The following PEAK1 variants were observed in gnomAD, a reference collection of about 807,000 sequenced individuals.
PEAK1 encodes the protein pseudopodium enriched atypical kinase 1.
In PEAK1, 54 loss-of-function variants were observed where a neutral mutation model predicts 124.7. That is an observed-to-expected ratio of 0.43 (90% CI 0.35 to 0.54). The LOEUF is 0.54. Ranked by LOEUF, PEAK1 falls within the 20% of genes least tolerant of loss-of-function variation. The probability of loss-of-function intolerance (pLI) is 0.01; values close to 1 mark genes in which losing one functional copy is unlikely to be tolerated. For missense variants in PEAK1, 2,046 were observed against 2,134.5 expected, an observed-to-expected ratio of 0.96 and a Z score of 0.82; for synonymous variants, 719 against 760.0, an observed-to-expected ratio of 0.95 and a Z score of 0.89.
At chr15:77,241,197 A>G (rs1267607977) in intron 6 of PEAK1, among the ~76,000 whole-genome samples, 1 of 152,192 alleles carries the variant, frequency 6.6e-6, no homozygotes, top group Admixed American at 6.5e-5. Context: ...AAAAATCCAT[A>G]AATGTAAACT....
intron 1 of PEAK1, among the ~76,000 whole-genome samples, chr15:77,393,271 A>T (rs779441516): frequency 7.2e-5 from 11 of 152,172 alleles, no homozygotes; most frequent in African/African-American, 2.2e-4. Context: ...GGGAGTACAC[A>T]ACCTAGTGAG....
chr15:77,322,742 T>G (rs972634273), intron 2 of PEAK1, among the ~76,000 whole-genome samples: 1 of 151,996 alleles, frequency 6.6e-6, no homozygotes, highest in African/African-American at 2.4e-5. Flanking sequence ...CTATTCCAAT[T>G]AATAGAAAAA....
chr15:77,169,615 C>T (rs993549294), intron 7 of PEAK1, among the ~76,000 whole-genome samples: 4 of 152,020 alleles, frequency 2.6e-5, no homozygotes, highest in African/African-American at 4.8e-5. Context: ...TGTTCTAAAG[C>T]GATTAGGTTA....
At position 77,277,022 on chromosome 15, in the gene PEAK1, G is replaced by C. The variant is rs2062366111; in HGVS notation, c.-275+6861C>G. 2.0e-5 allele frequency among the ~76,000 whole-genome samples: 3 copies of C among 152,132 alleles called. No homozygotes were observed. In the South Asian group the frequency reaches 6.2e-4, roughly 32 times the overall value. ...TAGTATCTAGAGTGAGGACAAAAAGGCCATATAAAGAGATATACTTTAAAA... is the reference window on the plus strand; with the variant it reads ...TAGTATCTAGAGTGAGGACAAAAAGCCCATATAAAGAGATATACTTTAAAA... On this transcript the variant is annotated intron_variant, in intron 5 of 9. Coordinates refer to ENST00000682557, the MANE Select transcript of PEAK1 (RefSeq NM_001385026.1).
chr15:77,384,685 A>C (rs1281886383), intron 1 of PEAK1, among the ~76,000 whole-genome samples: 3 of 152,180 alleles, frequency 2.0e-5, no homozygotes, highest in Non-Finnish European at 2.9e-5. Context: ...TAGTATTCAA[A>C]TTTGCCAGAA....
chr15:77,221,085 G>A (rs1444283015), intron 6 of PEAK1, among the ~76,000 whole-genome samples: 1 of 151,970 alleles, frequency 6.6e-6, no homozygotes, highest in African/African-American at 2.4e-5. Flanking sequence ...GAAAAAATAA[G>A]TTCGAGTTAC....
At chr15:77,387,514 G>A (rs940486399) in intron 1 of PEAK1, among the ~76,000 whole-genome samples, 1 of 152,178 alleles carries the variant, frequency 6.6e-6, no homozygotes. Flanking sequence ...CTCCTTTTAT[G>A]ACAACCCTAA....
At chr15:77,233,036 C>T (rs761722142) in intron 6 of PEAK1, among the ~76,000 whole-genome samples, 2 of 152,166 alleles carry the variant, frequency 1.3e-5, no homozygotes, top group East Asian at 1.9e-4. Flanking sequence ...CGTGAGCCAC[C>T]GCACCCGGTC....
In PEAK1 at chr15:77,388,960, A is replaced by ATTT. The variant is rs751451938; in HGVS notation, c.-665-23738_-665-23736dup. 1.2e-4 allele frequency among the ~76,000 whole-genome samples: 15 copies of ATTT among 121,686 alleles called. 1 individual carries two copies. Among genetic ancestry groups the ATTT allele is most frequent in the African/African-American group, 4.3e-4 (14 of 32,532 alleles). The allele number at this position is 121,686 out of a possible 152,430, so 79.8% of individuals were successfully genotyped here. On this transcript the variant is annotated intron_variant, in intron 1 of 9. Coordinates refer to ENST00000682557, the MANE Select transcript of PEAK1 (RefSeq NM_001385026.1). ...TCTGCCTGTCTACCTTCTTTTGCTT[A>ATTT]TTTTTTTTTTTTTTTTTTTGGAGAT... is the stretch of plus-strand genomic sequence containing the variant.
intron 6 of PEAK1, among the ~76,000 whole-genome samples, chr15:77,236,106 T>C (rs1193746480): frequency 6.6e-6 from 1 of 152,204 alleles, no homozygotes; most frequent in Non-Finnish European, 1.5e-5. Context: ...AACGTGGGGT[T>C]GGAGTCTCCA....
chr15:77,400,969 ACT>A (rs2071331090), intron 1 of PEAK1, among the ~76,000 whole-genome samples: 1 of 152,188 alleles, frequency 6.6e-6, no homozygotes, highest in African/African-American at 2.4e-5. Flanking sequence ...TTTGATCCTT[ACT>A]ATTTCAAACA....
At chr15:77,177,625 T>C (rs993404734) in intron 7 of PEAK1, among the ~76,000 whole-genome samples, 1 of 152,034 alleles carries the variant, frequency 6.6e-6, no homozygotes, top group Admixed American at 6.6e-5. Flanking sequence ...CTTCTTTCTT[T>C]ACTTCTTACT....
intron 2 of PEAK1, chr15:77,349,328 C>T (rs1294323041): frequency 7.2e-6 from 7 of 977,590 alleles, no homozygotes; most frequent in Admixed American, 1.2e-4. Context: ...CGTGAGCCAC[C>T]GCGCCCGGCC....
chr15:77,143,423 G>T (rs964582419), intron 8 of PEAK1, among the ~76,000 whole-genome samples: 8 of 152,088 alleles, frequency 5.3e-5, no homozygotes, highest in Admixed American at 4.6e-4. Context: ...AAACGCCAAA[G>T]CATTTCATGA....
intron 6 of PEAK1, among the ~76,000 whole-genome samples, chr15:77,209,258 T>A (rs1158901649): frequency 6.6e-6 from 1 of 152,204 alleles, no homozygotes; most frequent in Non-Finnish European, 1.5e-5. Context: ...ATATGTACCT[T>A]CAGCTATTGA....
chr15:77,188,168 T>C (rs2057644251), intron 6 of PEAK1, among the ~76,000 whole-genome samples: 1 of 152,216 alleles, frequency 6.6e-6, no homozygotes, highest in Non-Finnish European at 1.5e-5. Flanking sequence ...CATTCCTTGC[T>C]ATCACAAGAA....
At chr15:77,378,188 T>TTATATA (rs758426465) in intron 1 of PEAK1, among the ~76,000 whole-genome samples, 5,043 of 129,608 alleles carry the variant, frequency 0.039, 105 homozygotes, top group Middle Eastern at 0.067. Flanking sequence ...TATAACAATA[T>TTATATA]TATATATATA....
intron 6 of PEAK1, among the ~76,000 whole-genome samples, chr15:77,243,521 G>T (rs2060447324): frequency 1.3e-5 from 2 of 152,192 alleles, no homozygotes; most frequent in Non-Finnish European, 2.9e-5. Flanking sequence ...AACAGTAGGT[G>T]GCACAGTTAT....
At chr15:77,248,240 T>C (rs947055548) in intron 6 of PEAK1, among the ~76,000 whole-genome samples, 2 of 152,244 alleles carry the variant, frequency 1.3e-5, no homozygotes, top group Admixed American at 6.5e-5. Flanking sequence ...TGAGATGAGG[T>C]TGTGGAGTCA....
Sources: allele counts gnomAD v4.1 joint callset (sites outside exome capture counted in the v4.1 genomes callset), GRCh38; gene constraint gnomAD v4.1.1; transcripts MANE v1.5; gene names NCBI Gene and HGNC (gene_info 2026-07-23, HGNC 2026-07-21).